The following SCHIP1 variants were observed in gnomAD, a reference collection of about 807,000 sequenced individuals.
The protein encoded by SCHIP1 is schwannomin-interacting protein 1.
A neutral mutation model predicts 29.7 loss-of-function variants in SCHIP1; 8 were observed. That is an observed-to-expected ratio of 0.27 (90% confidence interval 0.16 to 0.49). The LOEUF is 0.49. Among genes scored for constraint, SCHIP1 ranks in the 20% least tolerant of loss-of-function variants. The pLI is 0.99. For missense variants in SCHIP1, 193 were observed against 294.6 expected, an observed-to-expected ratio of 0.66 and a Z score of 2.52; for synonymous variants, 76 against 94.9, an observed-to-expected ratio of 0.80 and a Z score of 1.16.
chr3:159,491,380 C>T, the SCHIP1 span, among the ~76,000 whole-genome samples: 2 of 152,204 alleles, frequency 1.3e-5, no homozygotes, highest in Admixed American at 6.5e-5. Flanking sequence ...ACAAACGGCA[C>T]CTGGAACATC....
At chr3:159,304,313 A>C in the SCHIP1 span, among the ~76,000 whole-genome samples, 2 of 152,152 alleles carry the variant, frequency 1.3e-5, no homozygotes, top group Non-Finnish European at 2.9e-5. Flanking sequence ...TAAGATTCAG[A>C]ATTTGGACAA....
intron 2 of SCHIP1, among the ~76,000 whole-genome samples, chr3:159,878,259 C>T (rs995239979): frequency 2.0e-5 from 3 of 152,042 alleles, no homozygotes; most frequent in Admixed American, 2.0e-4. Context: ...AGGTGGATCA[C>T]ATGAGGTCAG....
At chr3:159,610,001 C>A in the SCHIP1 span, among the ~76,000 whole-genome samples, 1 of 152,150 alleles carries the variant, frequency 6.6e-6, no homozygotes, top group Non-Finnish European at 1.5e-5. Context: ...ATGCCACATA[C>A]TATACTAAGC....
the SCHIP1 span, among the ~76,000 whole-genome samples, chr3:159,557,703 A>AGCT: frequency 6.6e-6 from 1 of 152,208 alleles, no homozygotes; most frequent in Non-Finnish European, 1.5e-5. Flanking sequence ...TTAAACTGGA[A>AGCT]GCTGAAAATT....
chr3:159,827,756 G>C, the SCHIP1 span, among the ~76,000 whole-genome samples: 1 of 150,680 alleles, frequency 6.6e-6, no homozygotes, highest in South Asian at 2.1e-4. Context: ...AGTGAGCCGA[G>C]ATTGCGCCAC....
At chr3:159,344,107 C>A in the SCHIP1 span, among the ~76,000 whole-genome samples, 1,701 of 152,040 alleles carry the variant, frequency 0.011, 20 homozygotes, top group South Asian at 0.033. Flanking sequence ...CTGGGGCGGG[C>A]AGATCACCTG....
the SCHIP1 span, among the ~76,000 whole-genome samples, chr3:159,533,458 G>C: frequency 8.5e-5 from 13 of 152,124 alleles, no homozygotes; most frequent in African/African-American, 2.9e-4. Flanking sequence ...AATTGGAAAG[G>C]TGCTTTAATA....
chr3:159,457,847 TA>T, the SCHIP1 span, among the ~76,000 whole-genome samples: 1 of 152,172 alleles, frequency 6.6e-6, no homozygotes, highest in Admixed American at 6.6e-5. Flanking sequence ...ATATATGTAA[TA>T]AAAATTATGT....
the SCHIP1 span, among the ~76,000 whole-genome samples, chr3:159,405,597 G>A: frequency 6.6e-6 from 1 of 152,148 alleles, no homozygotes; most frequent in Admixed American, 6.6e-5. Context: ...AATGCACAGA[G>A]GCCAGGCATG....
intron 1 of SCHIP1, among the ~76,000 whole-genome samples, chr3:159,860,275 C>T (rs774972472): frequency 1.3e-5 from 2 of 152,118 alleles, no homozygotes; most frequent in Non-Finnish European, 2.9e-5. Context: ...TAGGTAACAC[C>T]AGTGTAAAAG....
chr3:159,891,245 C>T (rs1717503591), intron 5 of SCHIP1, among the ~76,000 whole-genome samples: 1 of 152,142 alleles, frequency 6.6e-6, no homozygotes, highest in African/African-American at 2.4e-5. Context: ...GTGGCACATG[C>T]CCGTAGTTCC....
At chr3:159,666,124 G>C in the SCHIP1 span, among the ~76,000 whole-genome samples, 18 of 152,314 alleles carry the variant, frequency 1.2e-4, no homozygotes, top group Non-Finnish European at 2.6e-4. Flanking sequence ...ATCCCAGTCA[G>C]TAGTTAATGA....
the SCHIP1 span, among the ~76,000 whole-genome samples, chr3:159,346,111 G>A: frequency 4.6e-5 from 7 of 151,298 alleles, no homozygotes; most frequent in East Asian, 1.4e-3. Flanking sequence ...GGAAAATTGC[G>A]TGAACCTGGG....
chr3:159,540,762 A>T, the SCHIP1 span, among the ~76,000 whole-genome samples: 5 of 152,084 alleles, frequency 3.3e-5, no homozygotes, highest in Non-Finnish European at 7.4e-5. Flanking sequence ...TTGGGTAAAC[A>T]TTTACGTTTT....
the SCHIP1 span, among the ~76,000 whole-genome samples, chr3:159,814,263 C>T: frequency 2.6e-5 from 4 of 152,242 alleles, no homozygotes; most frequent in Non-Finnish European, 5.9e-5. Context: ...GAGCATCCTC[C>T]TGGATCAGTC....
the SCHIP1 span, among the ~76,000 whole-genome samples, chr3:159,795,338 C>T: frequency 6.6e-6 from 1 of 152,196 alleles, no homozygotes; most frequent in African/African-American, 2.4e-5. Context: ...CTAATCCCAG[C>T]TCTTCCACTC....
the SCHIP1 span, among the ~76,000 whole-genome samples, chr3:159,289,274 A>G: frequency 6.6e-6 from 1 of 152,196 alleles, no homozygotes; most frequent in African/African-American, 2.4e-5. Context: ...TTTCAGTAGC[A>G]TCAAATTTCC....
At chr3:159,519,515 C>G in the SCHIP1 span, among the ~76,000 whole-genome samples, 1 of 152,094 alleles carries the variant, frequency 6.6e-6, no homozygotes, top group Non-Finnish European at 1.5e-5. Context: ...CCAACAAGAA[C>G]TCATTGTAAT....
chr3:159,362,144 C>T, the SCHIP1 span, among the ~76,000 whole-genome samples: 1 of 152,056 alleles, frequency 6.6e-6, no homozygotes, highest in Admixed American at 6.6e-5. Context: ...CTGAAGATAC[C>T]TAGAAGGATG....
Sources: allele counts gnomAD v4.1 joint callset (sites outside exome capture counted in the v4.1 genomes callset), GRCh38; gene constraint gnomAD v4.1.1; transcripts MANE v1.5; gene names NCBI Gene and HGNC (gene_info 2026-07-23, HGNC 2026-07-21).